CNTNAP5: variants seen among roughly 807,000 people sequenced by gnomAD.
The protein encoded by CNTNAP5 is contactin-associated protein-like 5.
CNTNAP5 carries 72 observed loss-of-function variants against 150.2 expected under a neutral mutation model. That is an observed-to-expected ratio of 0.48 (90% CI 0.40 to 0.58). The LOEUF is 0.58. Ranked by LOEUF, CNTNAP5 falls within the 20% of genes least tolerant of loss-of-function variation. The pLI is 0.00. For synonymous variants in CNTNAP5, 672 were observed against 619.8 expected (o/e 1.08, Z -1.25); for missense variants, 1,636 against 1,626.2 (o/e 1.01, Z -0.10).
intron 13 of CNTNAP5, among the ~76,000 whole-genome samples, chr2:124,686,471 G>T (rs1679195724): frequency 1.3e-5 from 2 of 152,092 alleles, no homozygotes; most frequent in South Asian, 4.1e-4. Context: ...ACTCCCCAAA[G>T]ATGGCTCACC....
At chr2:124,774,775 G>T (rs1296452501) in intron 17 of CNTNAP5, among the ~76,000 whole-genome samples, 1 of 152,106 alleles carries the variant, frequency 6.6e-6, no homozygotes, top group Non-Finnish European at 1.5e-5. Context: ...TATATATAAA[G>T]ACGGAATAAT....
chr2:124,625,680 G>A (rs547293878), intron 12 of CNTNAP5, among the ~76,000 whole-genome samples: 10 of 152,214 alleles, frequency 6.6e-5, no homozygotes, highest in Middle Eastern at 3.4e-3. Flanking sequence ...CTTCCGGATG[G>A]GTCTTTTCAT....
At chr2:124,568,880 C>G (rs185704874) in intron 11 of CNTNAP5, among the ~76,000 whole-genome samples, 11 of 152,116 alleles carry the variant, frequency 7.2e-5, no homozygotes, top group Admixed American at 4.6e-4. Flanking sequence ...CCCGTCTCTA[C>G]TAAAAAAAAT....
intron 12 of CNTNAP5, among the ~76,000 whole-genome samples, chr2:124,635,638 G>A (rs775030356): frequency 3.3e-5 from 5 of 152,174 alleles, no homozygotes; most frequent in Non-Finnish European, 5.9e-5. Flanking sequence ...GGTGTCAAAG[G>A]TGTCTCCCAG....
chr2:124,113,150 T>C (rs1445860594), intron 1 of CNTNAP5, among the ~76,000 whole-genome samples: 3 of 152,154 alleles, frequency 2.0e-5, no homozygotes, highest in Admixed American at 2.0e-4. Context: ...CACTTCTACA[T>C]ATGTATCCCT....
At chr2:124,065,206 G>A (rs1413712012) in intron 1 of CNTNAP5, among the ~76,000 whole-genome samples, 1 of 152,050 alleles carries the variant, frequency 6.6e-6, no homozygotes, top group Non-Finnish European at 1.5e-5. Context: ...TTAGAATTCA[G>A]GCAGAAAAAC....
chr2:124,503,993 A>G (rs1025420679), intron 7 of CNTNAP5, among the ~76,000 whole-genome samples: 28 of 152,258 alleles, frequency 1.8e-4, no homozygotes, highest in African/African-American at 6.5e-4. Context: ...TATTTATATA[A>G]TGAGTAAATG....
chr2:124,367,454 A>C (rs1690405462), intron 3 of CNTNAP5, among the ~76,000 whole-genome samples: 1 of 152,176 alleles, frequency 6.6e-6, no homozygotes, highest in Admixed American at 6.5e-5. Flanking sequence ...CACGAGAGCA[A>C]CATGTAGGTA....
intron 1 of CNTNAP5, among the ~76,000 whole-genome samples, chr2:124,026,946 A>G (rs954770788): frequency 6.6e-6 from 1 of 152,206 alleles, no homozygotes; most frequent in Non-Finnish European, 1.5e-5. Flanking sequence ...TGTGGTGTAT[A>G]GAAAAATGTT....
chr2:124,354,811 AT>A (rs1166788363), intron 3 of CNTNAP5, among the ~76,000 whole-genome samples: 1 of 151,950 alleles, frequency 6.6e-6, no homozygotes, highest in East Asian at 1.9e-4. Flanking sequence ...AGATTTTTTT[AT>A]TTTTCTAATT....
At chr2:124,638,805 T>A (rs9653420) in intron 12 of CNTNAP5, among the ~76,000 whole-genome samples, 14,405 of 152,284 alleles carry the variant, frequency 0.095, 975 homozygotes, top group African/African-American at 0.19. Context: ...ATTTTGTCAC[T>A]TTACAATATA....
chr2:124,706,715 C>T (rs1277012990), intron 13 of CNTNAP5, among the ~76,000 whole-genome samples: 1 of 145,618 alleles, frequency 6.9e-6, no homozygotes, highest in African/African-American at 2.6e-5. Context: ...CCACTACATT[C>T]CACCCTGAGT....
At chr2:124,415,703 A>G (rs1422097846) in intron 3 of CNTNAP5, among the ~76,000 whole-genome samples, 1 of 152,212 alleles carries the variant, frequency 6.6e-6, no homozygotes, top group African/African-American at 2.4e-5. Flanking sequence ...GCTAGCTGAC[A>G]TCCCATCTTA....
chr2:124,080,928 T>C (rs1319250644), intron 1 of CNTNAP5, among the ~76,000 whole-genome samples: 3 of 152,294 alleles, frequency 2.0e-5, no homozygotes, highest in Admixed American at 6.5e-5. Context: ...TTCCCTAGCA[T>C]CCTTGACATG....
At chr2:124,126,284 A>G (rs944971779) in intron 1 of CNTNAP5, among the ~76,000 whole-genome samples, 42 of 152,244 alleles carry the variant, frequency 2.8e-4, no homozygotes, top group Admixed American at 2.7e-3. Flanking sequence ...AAGCACCTCT[A>G]TGCAAATAAA....
intron 3 of CNTNAP5, 149 bp downstream of exon 3, chr2:124,242,542 C>A: frequency 2.8e-6 from 2 of 714,756 alleles, no homozygotes; most frequent in Non-Finnish European, 4.5e-6. Flanking sequence ...TTTTAAGGCC[C>A]ATGCCCGGCA....
At chr2:124,137,878 G>A (rs374695688) in intron 1 of CNTNAP5, among the ~76,000 whole-genome samples, 30 of 151,832 alleles carry the variant, frequency 2.0e-4, no homozygotes, top group African/African-American at 7.3e-4. Flanking sequence ...CATCAGAGGA[G>A]GTTCCAGGTT....
chr2:124,609,324 CA>C, intron 11 of CNTNAP5, among the ~76,000 whole-genome samples: 1 of 152,280 alleles, frequency 6.6e-6, no homozygotes, highest in African/African-American at 2.4e-5. Context: ...CCTGGCGGAT[CA>C]TGCCTATAAT....
intron 1 of CNTNAP5, among the ~76,000 whole-genome samples, chr2:124,185,728 C>T (rs969933496): frequency 1.3e-5 from 2 of 151,930 alleles, no homozygotes; most frequent in Non-Finnish European, 2.9e-5. Flanking sequence ...AGGAAGCTGA[C>T]AGCTGACTGC....
Sources: allele counts gnomAD v4.1 joint callset (sites outside exome capture counted in the v4.1 genomes callset), GRCh38; gene constraint gnomAD v4.1.1; transcripts MANE v1.5; gene names NCBI Gene and HGNC (gene_info 2026-07-23, HGNC 2026-07-21).